Variants in GABRB1 observed in about 807,000 individuals in gnomAD.
GABRB1 encodes the protein gamma-aminobutyric acid type A receptor subunit beta1.
GABRB1 carries 17 observed loss-of-function variants against 51.6 expected under a neutral mutation model. That is an observed-to-expected ratio of 0.33 (90% CI 0.23 to 0.49). The LOEUF (loss-of-function observed/expected upper bound fraction) is 0.49. Among genes scored for constraint, GABRB1 ranks in the 20% least tolerant of loss-of-function variants. The probability of loss-of-function intolerance (pLI) is 0.99; values close to 1 mark genes in which losing one functional copy is unlikely to be tolerated. For missense variants in GABRB1, 410 were observed against 600.6 expected, an observed-to-expected ratio of 0.68 and a Z score of 3.32; for synonymous variants, 247 against 218.9, an observed-to-expected ratio of 1.13 and a Z score of -1.14.
At chr4:47,108,730 T>C (rs1202495397) in intron 3 of GABRB1, among the ~76,000 whole-genome samples, 1 of 152,068 alleles carries the variant, frequency 6.6e-6, no homozygotes, top group Non-Finnish European at 1.5e-5. Context: ...TAAAAAGTAA[T>C]AAAGCAATAA....
chr4:47,084,040 C>A (rs1164284959), intron 3 of GABRB1, among the ~76,000 whole-genome samples: 1 of 152,062 alleles, frequency 6.6e-6, no homozygotes, highest in Admixed American at 6.6e-5. Flanking sequence ...GCTTGCTTCC[C>A]TGAAATTAAA....
chr4:47,041,023 G>A (rs1403741475), intron 3 of GABRB1, among the ~76,000 whole-genome samples: 3 of 152,082 alleles, frequency 2.0e-5, no homozygotes, highest in Non-Finnish European at 2.9e-5. Flanking sequence ...CCACTGTATC[G>A]CTAAAGTGAT....
intron 4 of GABRB1, among the ~76,000 whole-genome samples, chr4:47,272,324 C>T (rs899145927): frequency 6.6e-6 from 1 of 152,106 alleles, no homozygotes; most frequent in East Asian, 1.9e-4. Flanking sequence ...GGCTTCCCCT[C>T]CCCTTCTTTA....
chr4:47,257,849 T>C (rs1314113301), intron 4 of GABRB1, among the ~76,000 whole-genome samples: 1 of 151,968 alleles, frequency 6.6e-6, no homozygotes, highest in Non-Finnish European at 1.5e-5. Flanking sequence ...ATTATAAAGA[T>C]ACTAGATGGC....
chr4:47,283,034 GT>G (rs1723350153), intron 4 of GABRB1, among the ~76,000 whole-genome samples: 1 of 152,156 alleles, frequency 6.6e-6, no homozygotes, highest in African/African-American at 2.4e-5. Context: ...AGGAGGTATG[GT>G]TAAGGAAAGA....
At chr4:47,067,058 C>T (rs1191023671) in intron 3 of GABRB1, among the ~76,000 whole-genome samples, 2 of 152,160 alleles carry the variant, frequency 1.3e-5, no homozygotes, top group African/African-American at 2.4e-5. Flanking sequence ...CATCAGTTTC[C>T]TCTTACATCT....
chr4:46,998,853 A>G (rs1302485219), intron 1 of GABRB1, among the ~76,000 whole-genome samples: 1 of 146,744 alleles, frequency 6.8e-6, no homozygotes, highest in Non-Finnish European at 1.5e-5. Context: ...GTGAAGCATT[A>G]TTTTATTCAT....
chr4:47,129,330 A>G (rs1044920426), intron 3 of GABRB1, among the ~76,000 whole-genome samples: 3 of 152,200 alleles, frequency 2.0e-5, no homozygotes, highest in Non-Finnish European at 2.9e-5. Context: ...AACTGAAATA[A>G]TGTAAATGTC....
At chr4:47,156,503 T>G (rs1356541935) in intron 3 of GABRB1, among the ~76,000 whole-genome samples, 1 of 152,060 alleles carries the variant, frequency 6.6e-6, no homozygotes, top group Non-Finnish European at 1.5e-5. Flanking sequence ...CAACCAAAAC[T>G]GTTTTCAGTC....
At chr4:47,282,499 C>G (rs1471515873) in intron 4 of GABRB1, among the ~76,000 whole-genome samples, 1 of 151,994 alleles carries the variant, frequency 6.6e-6, no homozygotes, top group East Asian at 1.9e-4. Context: ...TGTAGTAGCA[C>G]ATAACTAGTT....
chr4:47,398,980 C>T (rs537234035), intron 5 of GABRB1, among the ~76,000 whole-genome samples: 7 of 152,234 alleles, frequency 4.6e-5, no homozygotes, highest in Non-Finnish European at 1.0e-4. Context: ...TTAGTGGAGA[C>T]GGGGTTTCAC....
At chr4:47,068,885 T>C (rs1727197007) in intron 3 of GABRB1, among the ~76,000 whole-genome samples, 1 of 152,202 alleles carries the variant, frequency 6.6e-6, no homozygotes, top group Non-Finnish European at 1.5e-5. Flanking sequence ...TTGTAAAATA[T>C]GCAATATCTG....
chr4:47,294,315 C>T (rs576222509), intron 4 of GABRB1, among the ~76,000 whole-genome samples: 4 of 152,294 alleles, frequency 2.6e-5, no homozygotes, highest in Non-Finnish European at 4.4e-5. Context: ...TTGCCTCACT[C>T]GGAAAGCACA....
chr4:47,018,216 C>G (rs908165818), intron 1 of GABRB1, among the ~76,000 whole-genome samples: 3 of 150,802 alleles, frequency 2.0e-5, no homozygotes, highest in African/African-American at 7.3e-5. Flanking sequence ...TTTGGAGAGA[C>G]AGGCTCTCCA....
intron 3 of GABRB1, among the ~76,000 whole-genome samples, chr4:47,045,111 A>G (rs1016311903): frequency 2.5e-4 from 38 of 152,092 alleles, no homozygotes; most frequent in Admixed American, 1.2e-3. Flanking sequence ...CTCCACTTAC[A>G]AGATCTGTTC....
chr4:47,211,398 T>A (rs918010923), intron 4 of GABRB1, among the ~76,000 whole-genome samples: 2 of 152,206 alleles, frequency 1.3e-5, no homozygotes, highest in African/African-American at 2.4e-5. Context: ...GTATTAGGTA[T>A]TATTAGTTAT....
At chr4:47,279,390 G>GT (rs1723195731) in intron 4 of GABRB1, among the ~76,000 whole-genome samples, 1 of 152,092 alleles carries the variant, frequency 6.6e-6, no homozygotes, top group Admixed American at 6.6e-5. Flanking sequence ...AAAGTGCATT[G>GT]TAAGTATTCA....
At chr4:47,146,761 TA>T (rs1662483657) in intron 3 of GABRB1, among the ~76,000 whole-genome samples, 1 of 152,088 alleles carries the variant, frequency 6.6e-6, no homozygotes, top group Admixed American at 6.6e-5. Context: ...GCCAAAGATA[TA>T]AAACCCACTT....
At chr4:47,057,090 G>A (rs1477601709) in intron 3 of GABRB1, among the ~76,000 whole-genome samples, 1 of 152,118 alleles carries the variant, frequency 6.6e-6, no homozygotes, top group Admixed American at 6.5e-5. Flanking sequence ...GGGCGACAGA[G>A]CAAGACTCTG....
Sources: allele counts gnomAD v4.1 joint callset (sites outside exome capture counted in the v4.1 genomes callset), GRCh38; gene constraint gnomAD v4.1.1; transcripts MANE v1.5; gene names NCBI Gene and HGNC (gene_info 2026-07-23, HGNC 2026-07-21).